Variants in STX8 observed in about 807,000 individuals in gnomAD.
STX8 encodes the protein syntaxin-8.
In STX8, 23 loss-of-function variants were observed where a neutral mutation model predicts 37.5. The observed-to-expected ratio is 0.61, with a 90% CI of 0.44 to 0.87. The LOEUF is 0.87. Among genes scored for constraint, STX8 ranks in the 40% least tolerant of loss-of-function variants. The pLI, the probability that STX8 is intolerant of heterozygous loss-of-function variation, is 0.00. For synonymous variants in STX8, 115 were observed against 99.1 expected (o/e 1.16, Z -0.95); for missense variants, 313 against 284.7 (o/e 1.10, Z -0.71).
intron 6 of STX8, among the ~76,000 whole-genome samples, chr17:9,486,715 C>T (rs188821998): frequency 6.6e-6 from 1 of 151,912 alleles, no homozygotes; most frequent in East Asian, 1.9e-4. Flanking sequence ...TAAAATTAGC[C>T]AGGTGCTATG....
intron 6 of STX8, among the ~76,000 whole-genome samples, chr17:9,473,084 C>T (rs1905947063): frequency 6.6e-6 from 1 of 151,726 alleles, no homozygotes; most frequent in Non-Finnish European, 1.5e-5. Flanking sequence ...CTCTTGTCAC[C>T]CAGGCTGGAG....
intron 4 of STX8, among the ~76,000 whole-genome samples, chr17:9,518,852 G>A (rs1399954828): frequency 6.8e-6 from 1 of 147,232 alleles, no homozygotes; most frequent in Non-Finnish European, 1.5e-5. Context: ...CTGGGCGGCA[G>A]AGCGAGACTC....
intron 7 of STX8, among the ~76,000 whole-genome samples, chr17:9,353,457 G>A (rs1211028810): frequency 1.3e-5 from 2 of 152,090 alleles, no homozygotes; most frequent in Admixed American, 1.3e-4. Flanking sequence ...TGGTTAAAGT[G>A]GGCAATGTAT....
Position 9,367,731 on chromosome 17 carries a change from T to TTTG in STX8, c.643+10818_643+10820dup, listed in dbSNP as rs557706352. On this transcript the variant is annotated intron_variant, in intron 7 of 7. Coordinates refer to ENST00000306357, the MANE Select transcript of STX8 (RefSeq NM_004853.3). The stretch of plus-strand genomic sequence containing the variant: ...TAGCATAATGTTAAAAAACAGAAGG[T>TTTG]TTGTTGTTGTTGTTGTTGAGACACA... 2.1e-4 allele frequency among the ~76,000 whole-genome samples: 32 copies of TTTG among 151,696 alleles called. No homozygotes were observed. The East Asian group carries it at 3.9e-3, about 18-fold the overall frequency.
chr17:9,549,613 T>C (rs1380629643), intron 3 of STX8, among the ~76,000 whole-genome samples: 5 of 152,192 alleles, frequency 3.3e-5, no homozygotes, highest in African/African-American at 1.2e-4. Flanking sequence ...GGAGTACGAA[T>C]TCAGAATATT....
chr17:9,549,951 C>G (rs370776493), intron 3 of STX8, among the ~76,000 whole-genome samples: 1 of 152,048 alleles, frequency 6.6e-6, no homozygotes, highest in Non-Finnish European at 1.5e-5. Flanking sequence ...AGGCCAAGCG[C>G]GGTGGCTCAA....
At chr17:9,505,305 A>G (rs80159471) in intron 4 of STX8, 143 bp from the exon 5 acceptor site, 19,868 of 926,528 alleles carry the variant, frequency 0.021, 302 homozygotes, top group Non-Finnish European at 0.026. Flanking sequence ...AGTTTATGCC[A>G]GGAACTGTAT....
At chr17:9,429,904 A>C (rs1448837876) in intron 6 of STX8, among the ~76,000 whole-genome samples, 11 of 10,744 alleles carry the variant, frequency 1.0e-3, no homozygotes, top group South Asian at 6.2e-3. Context: ...ATAATATATT[A>C]TATATTATAT....
At chr17:9,366,375 G>T (rs1911230009) in intron 7 of STX8, among the ~76,000 whole-genome samples, 1 of 152,172 alleles carries the variant, frequency 6.6e-6, no homozygotes, top group Admixed American at 6.5e-5. Flanking sequence ...GGGACTACAG[G>T]CATGTACCGC....
At chr17:9,447,984 T>C (rs899212641) in intron 6 of STX8, among the ~76,000 whole-genome samples, 2 of 151,640 alleles carry the variant, frequency 1.3e-5, no homozygotes, top group Admixed American at 6.6e-5. Context: ...CAAGACCAGC[T>C]TGGCCAGCAT....
In STX8 at chr17:9,253,300, C is replaced by T. The variant is rs571302542; in HGVS notation, c.644-2655G>A. Among the ~76,000 whole-genome samples the T allele has an allele frequency of 4.3e-4, 63 of 147,340 alleles. 1 individual carries two copies. The highest frequency in any genetic ancestry group is 1.4e-3 in the African/African-American group (56 of 40,100). On this transcript the variant is annotated intron_variant, in intron 7 of 7. Coordinates refer to ENST00000306357, the MANE Select transcript of STX8 (RefSeq NM_004853.3). ...AGGGATACGGGTGTGTGTGTGTATG[C>T]GTATGTGTGTGTATGTGAGAATATC...
At chr17:9,476,196 G>A (rs1369992535) in intron 6 of STX8, among the ~76,000 whole-genome samples, 1 of 152,062 alleles carries the variant, frequency 6.6e-6, no homozygotes, top group East Asian at 1.9e-4. Flanking sequence ...AAAACAAAAC[G>A]AAACCTACCC....
chr17:9,271,903 C>T (rs12944138), intron 7 of STX8, among the ~76,000 whole-genome samples: 11,767 of 152,138 alleles, frequency 0.077, 547 homozygotes, highest in East Asian at 0.16. Context: ...TAGAAGAAAC[C>T]GTGGCTTTCT....
chr17:9,494,240 C>CTCCT (rs1906993095), intron 5 of STX8, among the ~76,000 whole-genome samples: 1 of 151,624 alleles, frequency 6.6e-6, no homozygotes, highest in African/African-American at 2.4e-5. Context: ...TGGTCTCGAG[C>CTCCT]TCCTGACCTC....
At chr17:9,566,769 A>T (rs1597748264) in intron 2 of STX8, among the ~76,000 whole-genome samples, 1 of 152,180 alleles carries the variant, frequency 6.6e-6, no homozygotes, top group Non-Finnish European at 1.5e-5. Flanking sequence ...CCTGGGCAAC[A>T]AGAGCAAAAC....
chr17:9,496,284 C>T (rs1364135183), intron 5 of STX8, among the ~76,000 whole-genome samples: 1 of 152,134 alleles, frequency 6.6e-6, no homozygotes, highest in African/African-American at 2.4e-5. Flanking sequence ...CCATGTTGGC[C>T]AGGCTGGTCT....
intron 7 of STX8, among the ~76,000 whole-genome samples, chr17:9,292,101 G>C: frequency 6.6e-6 from 1 of 152,264 alleles, no homozygotes; most frequent in Non-Finnish European, 1.5e-5. Context: ...GAAGCTGCTG[G>C]AGCTGGGGCA....
chr17:9,335,702 G>GT (rs202244441), intron 7 of STX8, among the ~76,000 whole-genome samples: 7 of 151,710 alleles, frequency 4.6e-5, no homozygotes, highest in East Asian at 1.9e-4. Flanking sequence ...CCTTCAATAA[G>GT]TTTTTTTAAA....
At chr17:9,257,325 G>A (rs910604698) in intron 7 of STX8, among the ~76,000 whole-genome samples, 22 of 152,162 alleles carry the variant, frequency 1.4e-4, no homozygotes, top group Admixed American at 2.6e-4. Flanking sequence ...GTTTTCTGAA[G>A]ACTCGTCATC....
Sources: gnomAD v4.1 joint callset for allele counts (sites outside exome capture counted in the v4.1 genomes callset) on GRCh38, gnomAD v4.1.1 for gene constraint, MANE v1.5 for transcripts, NCBI Gene and HGNC (gene_info 2026-07-23, HGNC 2026-07-21) for gene names.